Variants in ASTN2 observed in about 807,000 individuals in gnomAD.
ASTN2 encodes astrotactin-2.
In ASTN2, 54 loss-of-function variants were observed where a neutral mutation model predicts 139.8. The observed-to-expected ratio is 0.39, with a 90% CI of 0.31 to 0.48. ASTN2 has a LOEUF of 0.48. Among genes scored for constraint, ASTN2 ranks in the 20% least tolerant of loss-of-function variants. ASTN2 has a pLI of 0.95. For synonymous variants in ASTN2, 756 were observed against 719.5 expected (o/e 1.05, Z -0.81); for missense variants, 1,565 against 1,725.1 (o/e 0.91, Z 1.64).
intron 19 of ASTN2, among the ~76,000 whole-genome samples, chr9:116,529,259 G>A (rs1177165392): frequency 1.3e-5 from 2 of 152,154 alleles, no homozygotes; most frequent in African/African-American, 2.4e-5. Context: ...ACTGTGCCCT[G>A]GGTGTGAGAC....
intron 10 of ASTN2, among the ~76,000 whole-genome samples, chr9:116,949,335 CTGATA>C (rs1305860606): frequency 6.6e-6 from 1 of 151,876 alleles, no homozygotes; most frequent in African/African-American, 2.4e-5. Flanking sequence ...GTGATATAAA[CTGATA>C]TATTTTTAAA....
intron 3 of ASTN2, among the ~76,000 whole-genome samples, chr9:117,203,717 A>T (rs946942439): frequency 4.6e-5 from 7 of 152,110 alleles, no homozygotes; most frequent in African/African-American, 1.4e-4. Context: ...AGCAGCAAAG[A>T]TGGATGCCTG....
chr9:117,298,725 T>A (rs1834802282), intron 1 of ASTN2, among the ~76,000 whole-genome samples: 1 of 145,982 alleles, frequency 6.9e-6, no homozygotes, highest in South Asian at 2.2e-4. Flanking sequence ...TGTGTGTGTG[T>A]GTGTGTGTAT....
intron 12 of ASTN2, among the ~76,000 whole-genome samples, chr9:116,814,328 A>T (rs555461137): frequency 1.3e-5 from 2 of 152,308 alleles, no homozygotes; most frequent in South Asian, 4.1e-4. Flanking sequence ...TTGTCCCAAC[A>T]TTAACCAAAC....
chr9:116,671,520 G>A (rs944893081), intron 16 of ASTN2, among the ~76,000 whole-genome samples: 1 of 151,772 alleles, frequency 6.6e-6, no homozygotes, highest in African/African-American at 2.4e-5. Context: ...TGGGGTGGGG[G>A]GAACAACTCT....
At chr9:116,956,917 G>T (rs1318936394) in intron 10 of ASTN2, among the ~76,000 whole-genome samples, 1 of 152,086 alleles carries the variant, frequency 6.6e-6, no homozygotes, top group Non-Finnish European at 1.5e-5. Flanking sequence ...ACAAAACAAT[G>T]TTGAAAGAAA....
intron 3 of ASTN2, among the ~76,000 whole-genome samples, chr9:117,156,353 G>A (rs1433011273): frequency 6.6e-6 from 1 of 152,066 alleles, no homozygotes; most frequent in Non-Finnish European, 1.5e-5. Flanking sequence ...AACTGATCCT[G>A]AGAGAGATTA....
intron 11 of ASTN2, 122 bp downstream of exon 11, chr9:116,863,461 A>G: frequency 2.3e-6 from 3 of 1,281,112 alleles, no homozygotes; most frequent in East Asian, 2.5e-5. Flanking sequence ...AAGGCCGCAG[A>G]GGCAGATAAG....
chr9:117,383,056 G>A (rs940545756), intron 1 of ASTN2, among the ~76,000 whole-genome samples: 5 of 152,098 alleles, frequency 3.3e-5, no homozygotes, highest in African/African-American at 7.2e-5. Flanking sequence ...AAAAGCAACC[G>A]CAGACAATAC....
chr9:117,401,183 C>T (rs1413829012), intron 1 of ASTN2, among the ~76,000 whole-genome samples: 1 of 152,144 alleles, frequency 6.6e-6, no homozygotes, highest in Non-Finnish European at 1.5e-5. Context: ...CACAAACTAT[C>T]ACCCTGATTT....
chr9:116,621,555 C>T lies in ASTN2; in HGVS notation c.3073-1112G>A, dbSNP rs1856156237. Among the ~76,000 whole-genome samples the T allele has an allele frequency of 2.0e-5, 3 of 152,098 alleles. No homozygotes were observed. The South Asian group carries it at 6.2e-4, about 32-fold the overall frequency. The stretch of plus-strand genomic sequence containing the variant: ...GAAACATTCTCTTCTCTGGAAAGCC[C>T]ACCCTAACTTTCTTAAGTCTAGAAT... On this transcript the variant is annotated intron_variant, in intron 17 of 22. Coordinates refer to ENST00000313400, the MANE Select transcript of ASTN2 (RefSeq NM_001365068.1).
intron 19 of ASTN2, 120 bp from the exon 20 acceptor site, chr9:116,487,620 A>G: frequency 1.0e-6 from 1 of 980,292 alleles, no homozygotes; most frequent in Non-Finnish European, 1.4e-6. Context: ...AATGGATAGA[A>G]AAAGCAAAAG....
intron 1 of ASTN2, among the ~76,000 whole-genome samples, chr9:117,328,003 G>A (rs916179770): frequency 1.9e-4 from 29 of 152,162 alleles, no homozygotes; most frequent in African/African-American, 6.8e-4. Flanking sequence ...TTAAAGGACC[G>A]AGCTTGGGAA....
At chr9:116,967,016 C>T (rs1836030075) in intron 10 of ASTN2, among the ~76,000 whole-genome samples, 1 of 152,178 alleles carries the variant, frequency 6.6e-6, no homozygotes, top group African/African-American at 2.4e-5. Flanking sequence ...TGTGACATTG[C>T]ATGAATGACT....
At chr9:117,387,096 T>C (rs924826999) in intron 1 of ASTN2, among the ~76,000 whole-genome samples, 3 of 152,106 alleles carry the variant, frequency 2.0e-5, no homozygotes, top group South Asian at 2.1e-4. Flanking sequence ...AAGTTCTTCT[T>C]ACCAAGAAAA....
chr9:117,262,488 A>T (rs1588143754), intron 2 of ASTN2, among the ~76,000 whole-genome samples: 1 of 151,960 alleles, frequency 6.6e-6, no homozygotes, highest in East Asian at 1.9e-4. Context: ...GAGAAACTAA[A>T]TGATACCCCT....
intron 19 of ASTN2, among the ~76,000 whole-genome samples, chr9:116,515,532 T>C (rs4837584): frequency 0.91 from 138,474 of 152,224 alleles, 63,055 homozygotes; most frequent in Admixed American, 0.94. Flanking sequence ...AGCCAATAGA[T>C]GGTTGGAGGC....
intron 6 of ASTN2, among the ~76,000 whole-genome samples, chr9:117,014,693 C>T (rs183107142): frequency 2.1e-4 from 32 of 152,150 alleles, no homozygotes; most frequent in African/African-American, 7.5e-4. Flanking sequence ...ACAGGGTCTT[C>T]AAAGAGGTAA....
At chr9:116,561,225 ATCT>A (rs755310303) in intron 19 of ASTN2, among the ~76,000 whole-genome samples, 1 of 152,156 alleles carries the variant, frequency 6.6e-6, no homozygotes, top group African/African-American at 2.4e-5. Context: ...GCATTTGGTC[ATCT>A]TCTTATGTCT....
Sources: allele counts gnomAD v4.1 joint callset (sites outside exome capture counted in the v4.1 genomes callset), GRCh38; gene constraint gnomAD v4.1.1; transcripts MANE v1.5; gene names NCBI Gene and HGNC (gene_info 2026-07-23, HGNC 2026-07-21).